The following SCD5 variants were observed in gnomAD, a reference collection of about 807,000 sequenced individuals.
SCD5 encodes stearoyl-CoA desaturase 5.
SCD5 carries 20 observed loss-of-function variants against 30.4 expected under a neutral mutation model. That is an observed-to-expected ratio of 0.66 (90% CI 0.46 to 0.96). The LOEUF (loss-of-function observed/expected upper bound fraction) is 0.96, where lower values mean the gene tolerates loss of function less well. Among genes scored for constraint, SCD5 ranks in the 40% least tolerant of loss-of-function variants. The pLI is 0.00. For missense variants in SCD5, 381 were observed against 443.3 expected (o/e 0.86, Z 1.26); for synonymous variants, 173 against 176.4 (o/e 0.98, Z 0.16).
chr4:82,781,144 G>T (rs1721862304), intron 1 of SCD5, among the ~76,000 whole-genome samples: 1 of 152,194 alleles, frequency 6.6e-6, no homozygotes, highest in South Asian at 2.1e-4. Flanking sequence ...GCCGGGCGTG[G>T]TGGCTCATGC....
At chr4:82,656,745 C>A (rs1341348017) in intron 3 of SCD5, among the ~76,000 whole-genome samples, 1 of 152,222 alleles carries the variant, frequency 6.6e-6, no homozygotes, top group South Asian at 2.1e-4. Context: ...TATTTCTCCA[C>A]ACCCTGTCCA....
Position 82,636,849 on chromosome 4 carries a change from A to G in SCD5, c.570-26T>C, listed in dbSNP as rs778660908. 3.8e-6 allele frequency: 6 copies of G among 1,565,246 alleles called. No individual in the cohort carries two copies. The African/African-American group carries it at 6.8e-5, about 18-fold the overall frequency. On this transcript the variant is annotated intron_variant, in intron 3 of 4. Transcript: ENST00000319540. Reference sequence around the variant, plus strand: ...CTACAGGGCAAGACACCATATCACCATGAGGACCCGCTGATGGGAGAGAGG... The same window carrying G: ...CTACAGGGCAAGACACCATATCACCGTGAGGACCCGCTGATGGGAGAGAGG...
chr4:82,676,079 T>C (rs7665968), intron 3 of SCD5, among the ~76,000 whole-genome samples: 105,092 of 152,022 alleles, frequency 0.69, 36,586 homozygotes, highest in Middle Eastern at 0.74. Flanking sequence ...GGCGACCGAC[T>C]CAACTCAGCA....
At position 82,770,801 on chromosome 4, in the gene SCD5, C is replaced by T. The variant is rs78519661; in HGVS notation, c.232+27505G>A. On this transcript the variant is annotated intron_variant, in intron 1 of 4. Transcript: ENST00000319540. ...AACAGAGAGCTGGGTTGTTAATGCCCTAACAGCATCCATGAGCCAATGGTG... is the reference window on the plus strand; with the variant it reads ...AACAGAGAGCTGGGTTGTTAATGCCTTAACAGCATCCATGAGCCAATGGTG... 1.1e-3 allele frequency among the ~76,000 whole-genome samples: 173 copies of T among 152,324 alleles called. 4 individuals carry two copies. The East Asian group carries it at 0.03, about 26-fold the overall frequency.
At chr4:82,787,846 T>A (rs1169077930) in intron 1 of SCD5, among the ~76,000 whole-genome samples, 1 of 152,032 alleles carries the variant, frequency 6.6e-6, no homozygotes, top group Non-Finnish European at 1.5e-5. Context: ...CTGGACAACA[T>A]AAAAAGACCC....
intron 3 of SCD5, among the ~76,000 whole-genome samples, chr4:82,642,341 T>C (rs1023379071): frequency 6.6e-6 from 1 of 152,158 alleles, no homozygotes; most frequent in Non-Finnish European, 1.5e-5. Flanking sequence ...GAGGGAAACT[T>C]ACCCAGAGAT....
At chr4:82,691,385 G>A (rs1019064820) in intron 2 of SCD5, among the ~76,000 whole-genome samples, 4 of 152,120 alleles carry the variant, frequency 2.6e-5, no homozygotes, top group Admixed American at 1.3e-4. Context: ...GTGGAAGTGT[G>A]GGAGGGAGAG....
At chr4:82,775,072 C>G (rs182095515) in intron 1 of SCD5, among the ~76,000 whole-genome samples, 2 of 152,326 alleles carry the variant, frequency 1.3e-5, no homozygotes, top group Non-Finnish European at 2.9e-5. Context: ...CACTTCACTG[C>G]TAATTAGCAC....
At chr4:82,773,862 G>C (rs1336964288) in intron 1 of SCD5, among the ~76,000 whole-genome samples, 1 of 152,114 alleles carries the variant, frequency 6.6e-6, no homozygotes, top group Non-Finnish European at 1.5e-5. Context: ...GGCTGAGGCG[G>C]GTGGATCACT....
At chr4:82,752,994 G>A (rs1721138530) in intron 1 of SCD5, among the ~76,000 whole-genome samples, 1 of 152,096 alleles carries the variant, frequency 6.6e-6, no homozygotes, top group Non-Finnish European at 1.5e-5. Context: ...GAACTGCAGG[G>A]ACCTTAAAGA....
chr4:82,693,948 A>G (rs1471292305), intron 2 of SCD5, among the ~76,000 whole-genome samples: 2 of 152,352 alleles, frequency 1.3e-5, no homozygotes, highest in African/African-American at 4.8e-5. Context: ...GGTGGCCTCC[A>G]GTCACAAGAG....
intron 1 of SCD5, among the ~76,000 whole-genome samples, chr4:82,705,931 T>G (rs1578030338): frequency 2.6e-5 from 4 of 152,324 alleles, no homozygotes; most frequent in African/African-American, 9.6e-5. Flanking sequence ...CAATCTATAT[T>G]TATTTGGTTC....
intron 1 of SCD5, among the ~76,000 whole-genome samples, chr4:82,776,740 G>A (rs72909696): frequency 0.024 from 3,715 of 152,288 alleles, 140 homozygotes; most frequent in African/African-American, 0.082. Context: ...GTTCCATAAA[G>A]TATGGAGAAA....
intron 2 of SCD5, among the ~76,000 whole-genome samples, chr4:82,684,621 A>G (rs377267321): frequency 1.3e-5 from 2 of 152,284 alleles, no homozygotes; most frequent in South Asian, 4.1e-4. Context: ...GTGCTTTAGC[A>G]ACAAGAAGAG....
chr4:82,753,791 CT>C (rs1319339240), intron 1 of SCD5, among the ~76,000 whole-genome samples: 1 of 152,146 alleles, frequency 6.6e-6, no homozygotes, highest in African/African-American at 2.4e-5. Context: ...ACATACCCCC[CT>C]GACAGAAGTC....
At chr4:82,716,676 T>C (rs940080200) in intron 1 of SCD5, among the ~76,000 whole-genome samples, 2 of 151,316 alleles carry the variant, frequency 1.3e-5, no homozygotes, top group African/African-American at 4.9e-5. Context: ...TAGCCAGGCA[T>C]GGTGGCGTAC....
chr4:82,745,735 C>G (rs964947492), intron 1 of SCD5, among the ~76,000 whole-genome samples: 7 of 152,068 alleles, frequency 4.6e-5, no homozygotes, highest in African/African-American at 1.7e-4. Flanking sequence ...ATGAATCACA[C>G]CCAGATACCA....
At chr4:82,749,535 A>T (rs999673137) in intron 1 of SCD5, among the ~76,000 whole-genome samples, 5 of 152,252 alleles carry the variant, frequency 3.3e-5, no homozygotes, top group Admixed American at 3.3e-4. Flanking sequence ...AAAGTAAAAC[A>T]TTTACATAAA....
At chr4:82,794,547 T>C (rs1232782623) in intron 1 of SCD5, among the ~76,000 whole-genome samples, 1 of 152,206 alleles carries the variant, frequency 6.6e-6, no homozygotes, top group Non-Finnish European at 1.5e-5. Flanking sequence ...ATTCAGGGCA[T>C]TGACTAACTG....
Sources: gnomAD v4.1 joint callset for allele counts (sites outside exome capture counted in the v4.1 genomes callset) on GRCh38, gnomAD v4.1.1 for gene constraint, MANE v1.5 for transcripts, NCBI Gene and HGNC (gene_info 2026-07-23, HGNC 2026-07-21) for gene names.